Variants in RTL4 observed in about 807,000 individuals in gnomAD.
RTL4 encodes the protein retrotransposon Gag like 4, also known as retrotransposon Gag-like protein 4.
RTL4 carries 4 observed loss-of-function variants against 5.3 expected under a neutral mutation model. The observed-to-expected ratio is 0.75, with a 90% CI of 0.37 to 1.72. The LOEUF (loss-of-function observed/expected upper bound fraction) is 1.72. Ranked by LOEUF, RTL4 falls within the 40% of genes most tolerant of loss-of-function variation. The probability of loss-of-function intolerance (pLI) is 0.04; values close to 1 mark genes in which losing one functional copy is unlikely to be tolerated. For synonymous variants in RTL4, 98 were observed against 87.3 expected (o/e 1.12, Z -0.68); for missense variants, 260 against 227.1 (o/e 1.14, Z -0.93).
the RTL4 span, among the ~76,000 whole-genome samples, chrX:112,198,788 A>C: frequency 3.6e-5 from 4 of 111,210 alleles, no homozygotes; most frequent in Non-Finnish European, 7.5e-5. Flanking sequence ...TATCAGAGAT[A>C]GAGCATGTGA....
the RTL4 span, among the ~76,000 whole-genome samples, chrX:112,244,444 T>A: frequency 3.6e-5 from 4 of 112,020 alleles, no homozygotes; most frequent in Non-Finnish European, 7.5e-5. Context: ...TTTACCATTA[T>A]GTAATGGCCT....
At chrX:112,263,066 AG>A in the RTL4 span, among the ~76,000 whole-genome samples, 1 of 19,996 alleles carries the variant, frequency 5.0e-5, no homozygotes, top group African/African-American at 2.0e-4. Flanking sequence ...GGTTGGGGGG[AG>A]GGGGGAGGGA....
the RTL4 span, among the ~76,000 whole-genome samples, chrX:112,249,426 G>C: frequency 1.4e-4 from 16 of 110,915 alleles, no homozygotes; most frequent in African/African-American, 5.3e-4. Flanking sequence ...GCCATGGAAT[G>C]CCCAGATATT....
chrX:112,089,215 C>T, the RTL4 span, among the ~76,000 whole-genome samples: 1 of 110,710 alleles, frequency 9.0e-6, no homozygotes, highest in African/African-American at 3.3e-5. Flanking sequence ...CACCCATTAA[C>T]TCGTAATTTA....
chrX:112,381,315 G>A, the RTL4 span: 1 of 1,210,372 alleles, frequency 8.3e-7, no homozygotes. Flanking sequence ...CCGTATCATA[G>A]TCTAATAAAT....
chrX:112,349,941 C>G, the RTL4 span, among the ~76,000 whole-genome samples: 3 of 110,345 alleles, frequency 2.7e-5, no homozygotes, highest in East Asian at 8.6e-4. Flanking sequence ...TGCCTTGTGC[C>G]AGTTTTCAAA....
At chrX:112,176,266 G>A in the RTL4 span, among the ~76,000 whole-genome samples, 6 of 112,067 alleles carry the variant, frequency 5.4e-5, no homozygotes, top group Non-Finnish European at 1.1e-4. Context: ...TCATGGGTAG[G>A]AAGAATCAAT....
chrX:112,278,987 A>G, the RTL4 span, among the ~76,000 whole-genome samples: 1 of 111,570 alleles, frequency 9.0e-6, no homozygotes, highest in Non-Finnish European at 1.9e-5. Context: ...AAATGAGTGA[A>G]AGGATTAGAA....
the RTL4 span, among the ~76,000 whole-genome samples, chrX:112,108,341 C>T: frequency 8.9e-6 from 1 of 111,813 alleles, no homozygotes; most frequent in East Asian, 2.8e-4. Flanking sequence ...TTTATATTTT[C>T]TCTTTGGTGA....
chrX:112,229,638 T>A, the RTL4 span, among the ~76,000 whole-genome samples: 1 of 111,994 alleles, frequency 8.9e-6, no homozygotes, highest in Non-Finnish European at 1.9e-5. Context: ...ACACTAACAC[T>A]AAAGATAATG....
At chrX:112,226,971 TAATAAAATAAAATAAAACAAAATA>T in the RTL4 span, among the ~76,000 whole-genome samples, 3 of 74,910 alleles carry the variant, frequency 4.0e-5, no homozygotes, top group East Asian at 1.4e-3. Flanking sequence ...TAAAATAAAA[TAATAAAATAAAATAAAACAAAATA>T]AAATAAAATA....
the RTL4 span, among the ~76,000 whole-genome samples, chrX:112,441,043 T>C: frequency 2.7e-5 from 3 of 111,454 alleles, no homozygotes; most frequent in Non-Finnish European, 3.8e-5. Flanking sequence ...TCACAAAATT[T>C]TGATATTATG....
chrX:112,206,859 G>T, the RTL4 span, among the ~76,000 whole-genome samples: 4 of 111,619 alleles, frequency 3.6e-5, no homozygotes, highest in South Asian at 1.5e-3. Context: ...AAATGTATCT[G>T]TTCATTACAC....
chrX:112,374,721 T>C, the RTL4 span, among the ~76,000 whole-genome samples: 1 of 112,220 alleles, frequency 8.9e-6, no homozygotes, highest in Non-Finnish European at 1.9e-5. Flanking sequence ...GATTTACTAC[T>C]ATGGTGAAGT....
chrX:112,377,048 C>A, the RTL4 span, among the ~76,000 whole-genome samples: 1 of 111,878 alleles, frequency 8.9e-6, no homozygotes, highest in African/African-American at 3.2e-5. Flanking sequence ...GAGATAAACT[C>A]TATAAACATT....
At chrX:112,292,098 A>C in the RTL4 span, among the ~76,000 whole-genome samples, 1 of 111,664 alleles carries the variant, frequency 9.0e-6, no homozygotes, top group Non-Finnish European at 1.9e-5. Flanking sequence ...AGCAGTTATG[A>C]GGTAATTAAT....
At chrX:112,217,501 A>G in the RTL4 span, among the ~76,000 whole-genome samples, 1 of 111,768 alleles carries the variant, frequency 8.9e-6, no homozygotes, top group African/African-American at 3.3e-5. Flanking sequence ...AATTCTGCCA[A>G]TTACTTTCTG....
chrX:112,312,118 G>T, the RTL4 span, among the ~76,000 whole-genome samples: 2 of 111,314 alleles, frequency 1.8e-5, no homozygotes, highest in African/African-American at 6.5e-5. Context: ...ACCTATCAAC[G>T]TATTTCCAGA....
chrX:112,120,583 T>G, the RTL4 span, among the ~76,000 whole-genome samples: 2 of 108,121 alleles, frequency 1.8e-5, no homozygotes, highest in East Asian at 5.7e-4. Context: ...GGCTGGGGTT[T>G]TTTTTTTTTT....
Sources: allele counts gnomAD v4.1 joint callset (sites outside exome capture counted in the v4.1 genomes callset), GRCh38; gene constraint gnomAD v4.1.1; transcripts MANE v1.5; gene names NCBI Gene and HGNC (gene_info 2026-07-23, HGNC 2026-07-21).